The following FRMD3 variants were observed in gnomAD, a reference collection of about 807,000 sequenced individuals.
FRMD3 encodes FERM domain containing 3.
FRMD3 carries 33 observed loss-of-function variants against 70.2 expected under a neutral mutation model. The observed-to-expected ratio is 0.47, with a 90% CI of 0.36 to 0.63. The LOEUF (loss-of-function observed/expected upper bound fraction) is 0.63, where lower values mean the gene tolerates loss of function less well. Among genes scored for constraint, FRMD3 ranks in the 20% least tolerant of loss-of-function variants. The pLI is 0.00. For synonymous variants in FRMD3, 279 were observed against 255.9 expected, an observed-to-expected ratio of 1.09 and a Z score of -0.86; for missense variants, 632 against 711.4, an observed-to-expected ratio of 0.89 and a Z score of 1.27.
Position 83,244,966 on chromosome 9 carries a change from C to T in FRMD3, c.*2952G>A. On this transcript the variant is annotated 3_prime_UTR_variant, in exon 14 of 14. Transcript: ENST00000304195. ...AATATTGTGTGTGTATATGTATTTG[C>T]CATATGTGTGTGTGTATTATATATA... The T allele has an allele frequency of 5.1e-6, 5 of 981,270 alleles. No individual in the cohort carries two copies. The South Asian group carries it at 2.4e-4, about 46-fold the overall frequency. The allele number at this position is 981,270 out of a possible 1,614,324, so 60.8% of individuals were successfully genotyped here. A position where few individuals can be genotyped will look rare whatever the true frequency, so the allele number is the denominator to read the frequency against.
At chr9:83,476,499 C>A (rs1251138539) in intron 1 of FRMD3, among the ~76,000 whole-genome samples, 3 of 152,076 alleles carry the variant, frequency 2.0e-5, no homozygotes, top group African/African-American at 7.2e-5. Flanking sequence ...AAGAGTTTGT[C>A]CCAGAATAGT....
At chr9:83,482,679 T>C (rs1828595594) in intron 1 of FRMD3, among the ~76,000 whole-genome samples, 1 of 152,184 alleles carries the variant, frequency 6.6e-6, no homozygotes, top group African/African-American at 2.4e-5. Flanking sequence ...CTGCTGAGGA[T>C]AGACTCTTGA....
At chr9:83,379,111 T>C (rs1261557164) in intron 2 of FRMD3, among the ~76,000 whole-genome samples, 1 of 151,942 alleles carries the variant, frequency 6.6e-6, no homozygotes, top group East Asian at 1.9e-4. Context: ...TCTATACAAT[T>C]GCAATACCAG....
At chr9:83,272,013 T>C (rs138661533) in intron 13 of FRMD3, among the ~76,000 whole-genome samples, 4 of 152,330 alleles carry the variant, frequency 2.6e-5, no homozygotes, top group African/African-American at 9.6e-5. Flanking sequence ...CCAACAAGCA[T>C]GATTGTGACT....
the FRMD3 span, among the ~76,000 whole-genome samples, chr9:83,560,724 A>G: frequency 0.011 from 1,663 of 152,316 alleles, 24 homozygotes; most frequent in South Asian, 0.07. Flanking sequence ...CTTCTTACCA[A>G]TGAAATATAA....
At chr9:83,395,861 G>C (rs986138526) in intron 1 of FRMD3, among the ~76,000 whole-genome samples, 1 of 151,966 alleles carries the variant, frequency 6.6e-6, no homozygotes, top group Non-Finnish European at 1.5e-5. Flanking sequence ...TGGTTAAGTG[G>C]AAAAAACAGT....
chr9:83,397,351 G>C (rs1436441304), intron 1 of FRMD3, among the ~76,000 whole-genome samples: 1 of 152,182 alleles, frequency 6.6e-6, no homozygotes, highest in East Asian at 1.9e-4. Context: ...AGAGGTCTCA[G>C]AAAGCGATCC....
chr9:83,347,970 G>A (rs947248198), intron 4 of FRMD3, among the ~76,000 whole-genome samples: 4 of 152,164 alleles, frequency 2.6e-5, no homozygotes, highest in Non-Finnish European at 5.9e-5. Flanking sequence ...TCAAACGTAG[G>A]AAAATGTTAG....
intron 5 of FRMD3, among the ~76,000 whole-genome samples, chr9:83,341,387 G>A (rs991151611): frequency 3.3e-5 from 5 of 152,130 alleles, no homozygotes; most frequent in Non-Finnish European, 5.9e-5. Context: ...ACAGAAAACA[G>A]GATGGCGAGC....
chr9:83,500,722 A>T (rs186749892), intron 1 of FRMD3, among the ~76,000 whole-genome samples: 1 of 152,336 alleles, frequency 6.6e-6, no homozygotes, highest in East Asian at 1.9e-4. Context: ...AATGCAAAAA[A>T]ATGTTGCCAA....
chr9:83,281,760 T>A (rs1330662101), intron 13 of FRMD3, among the ~76,000 whole-genome samples: 1 of 152,138 alleles, frequency 6.6e-6, no homozygotes, highest in Non-Finnish European at 1.5e-5. Flanking sequence ...GCAGCCTGGC[T>A]CTACTAAGAA....
chr9:83,451,072 A>G (rs1179877628), intron 1 of FRMD3, among the ~76,000 whole-genome samples: 3 of 152,212 alleles, frequency 2.0e-5, no homozygotes, highest in Non-Finnish European at 2.9e-5. Context: ...TGTTTTTATG[A>G]CAAAAACAAA....
intron 1 of FRMD3, among the ~76,000 whole-genome samples, chr9:83,492,390 T>C (rs1828847215): frequency 6.6e-6 from 1 of 152,202 alleles, no homozygotes; most frequent in Non-Finnish European, 1.5e-5. Context: ...GGGCTAAAAA[T>C]GTGGCACGAG....
chr9:83,425,458 C>T (rs1233311961), intron 1 of FRMD3, among the ~76,000 whole-genome samples: 1 of 152,118 alleles, frequency 6.6e-6, no homozygotes, highest in African/African-American at 2.4e-5. Context: ...AATGGGGGCA[C>T]TCACAGACAA....
chr9:83,398,924 G>A (rs1216759851), intron 1 of FRMD3, among the ~76,000 whole-genome samples: 1 of 152,074 alleles, frequency 6.6e-6, no homozygotes, highest in Admixed American at 6.5e-5. Context: ...AGTGAGCACT[G>A]GATACAAAAA....
intron 1 of FRMD3, among the ~76,000 whole-genome samples, chr9:83,426,675 G>A (rs1410907803): frequency 6.6e-6 from 1 of 152,260 alleles, no homozygotes; most frequent in Admixed American, 6.5e-5. Context: ...AAAATGACCG[G>A]TGTGAGAGGG....
chr9:83,550,304 T>G, the FRMD3 span, among the ~76,000 whole-genome samples: 1 of 152,206 alleles, frequency 6.6e-6, no homozygotes, highest in Non-Finnish European at 1.5e-5. Flanking sequence ...CATTGGTCTA[T>G]GTCCCTGTTT....
At chr9:83,565,662 A>G in the FRMD3 span, among the ~76,000 whole-genome samples, 1 of 152,266 alleles carries the variant, frequency 6.6e-6, no homozygotes, top group Admixed American at 6.5e-5. Context: ...CTGGTGACTG[A>G]GAAGTCAATC....
chr9:83,577,293 T>C, the FRMD3 span, among the ~76,000 whole-genome samples: 2 of 152,056 alleles, frequency 1.3e-5, no homozygotes, highest in African/African-American at 4.8e-5. Flanking sequence ...AGTTGTAGGA[T>C]GCACACTTTC....
Sources: gnomAD v4.1 joint callset for allele counts (sites outside exome capture counted in the v4.1 genomes callset) on GRCh38, gnomAD v4.1.1 for gene constraint, MANE v1.5 for transcripts, NCBI Gene and HGNC (gene_info 2026-07-23, HGNC 2026-07-21) for gene names.